The following RAB7A variants were observed in gnomAD, a reference collection of about 807,000 sequenced individuals.
The protein encoded by RAB7A is RAB7A, member RAS oncogene family, also known as ras-related protein Rab-7a.
In RAB7A, 2 loss-of-function variants were observed where a neutral mutation model predicts 24.5. The observed-to-expected ratio is 0.08, with a 90% CI of 0.03 to 0.26. RAB7A has a LOEUF of 0.26. Among genes scored for constraint, RAB7A ranks in the 10% least tolerant of loss-of-function variants. The probability of loss-of-function intolerance (pLI) is 1.00; values close to 1 mark genes in which losing one functional copy is unlikely to be tolerated. For synonymous variants in RAB7A, 100 were observed against 95.9 expected, an observed-to-expected ratio of 1.04 and a Z score of -0.25; for missense variants, 118 against 255.7, an observed-to-expected ratio of 0.46 and a Z score of 3.67.
chr3:128,752,710 T>C (rs2070697902), intron 1 of RAB7A, among the ~76,000 whole-genome samples: 1 of 151,002 alleles, frequency 6.6e-6, no homozygotes, highest in Non-Finnish European at 1.5e-5. Flanking sequence ...AGTGGTTTTC[T>C]CACTTTTGGT....
intron 1 of RAB7A, among the ~76,000 whole-genome samples, chr3:128,731,883 T>C (rs1260509631): frequency 6.6e-6 from 1 of 151,318 alleles, no homozygotes; most frequent in Non-Finnish European, 1.5e-5. Flanking sequence ...GCATGCACTG[T>C]AGTCCCAGCT....
chr3:128,727,987 A>G (rs1213318704), intron 1 of RAB7A, among the ~76,000 whole-genome samples: 1 of 152,080 alleles, frequency 6.6e-6, no homozygotes, highest in Non-Finnish European at 1.5e-5. Flanking sequence ...TACCTAGCCT[A>G]AAATATTTAA....
chr3:128,767,186 T>C (rs1396966158), intron 1 of RAB7A, among the ~76,000 whole-genome samples: 1 of 152,222 alleles, frequency 6.6e-6, no homozygotes, highest in Non-Finnish European at 1.5e-5. Context: ...AGTCAGGTGT[T>C]TGCAACTAGT....
intron 5 of RAB7A, among the ~76,000 whole-genome samples, chr3:128,808,794 A>T (rs1226641720): frequency 6.6e-6 from 1 of 152,184 alleles, no homozygotes; most frequent in African/African-American, 2.4e-5. Flanking sequence ...GGCAAGGCAG[A>T]TTCTGCTGAC....
At chr3:128,726,592 A>G (rs1015809725) in intron 1 of RAB7A, among the ~76,000 whole-genome samples, 11 of 151,978 alleles carry the variant, frequency 7.2e-5, no homozygotes, top group Non-Finnish European at 1.2e-4. Context: ...CGCCCCGGCC[A>G]CCCGTCTCGG....
chr3:128,730,296 C>T (rs2107580735), intron 1 of RAB7A, among the ~76,000 whole-genome samples: 1 of 151,580 alleles, frequency 6.6e-6, no homozygotes, highest in South Asian at 2.1e-4. Context: ...GTGGTGCCAT[C>T]TCAGCTCACT....
rs1394070914 is a variant in RAB7A, at chr3:128,782,355, T to TC, written c.-8-13004dup. Among the ~76,000 whole-genome samples the TC allele has an allele frequency of 9.9e-5, 15 of 152,236 alleles. No individual in the cohort carries two copies. In the Middle Eastern group the frequency reaches 0.02, roughly 207 times the overall value. On this transcript the variant is annotated intron_variant, in intron 1 of 5. Transcript: ENST00000265062. The stretch of plus-strand genomic sequence containing the variant: ...CTGCACATGCCAGAACCGTTCTCCC[T>TC]CATGGTCCATCCAGGCTGATGCCCG...
intron 5 of RAB7A, among the ~76,000 whole-genome samples, chr3:128,812,775 A>T (rs991801602): frequency 3.3e-5 from 5 of 152,240 alleles, no homozygotes; most frequent in Non-Finnish European, 5.9e-5. Flanking sequence ...CCTTTGGAAG[A>T]AAAAAGAGAC....
intron 1 of RAB7A, among the ~76,000 whole-genome samples, chr3:128,739,805 C>T (rs767759339): frequency 6.6e-6 from 1 of 152,220 alleles, no homozygotes; most frequent in Non-Finnish European, 1.5e-5. Flanking sequence ...CGCAGTGGTT[C>T]ACGCCTGTAA....
intron 1 of RAB7A, among the ~76,000 whole-genome samples, chr3:128,777,589 A>T (rs1933125856): frequency 6.6e-6 from 1 of 152,206 alleles, no homozygotes; most frequent in Non-Finnish European, 1.5e-5. Flanking sequence ...ATGAAACTAA[A>T]CTATCACTAG....
intron 5 of RAB7A, 110 bp from the exon 6 acceptor site, chr3:128,813,217 C>T (rs1413395093): frequency 1.8e-5 from 18 of 1,009,934 alleles, no homozygotes; most frequent in Non-Finnish European, 2.8e-5. Context: ...AGCTCCCCGC[C>T]CACTCTGCCC....
intron 1 of RAB7A, among the ~76,000 whole-genome samples, chr3:128,759,386 A>G (rs1300055202): frequency 6.6e-6 from 1 of 152,178 alleles, no homozygotes; most frequent in Non-Finnish European, 1.5e-5. Flanking sequence ...ATCTCGGATC[A>G]GTTTCTAGCC....
intron 1 of RAB7A, among the ~76,000 whole-genome samples, chr3:128,791,402 A>G (rs1933449771): frequency 6.6e-6 from 1 of 152,172 alleles, no homozygotes; most frequent in Admixed American, 6.5e-5. Context: ...TGGCCTCCCA[A>G]AGTGCTGGGA....
chr3:128,737,238 A>G (rs2070498442), intron 1 of RAB7A, among the ~76,000 whole-genome samples: 1 of 151,278 alleles, frequency 6.6e-6, no homozygotes. Context: ...ACGGGGTGTC[A>G]CTGTGTTAGC....
At chr3:128,735,389 A>T (rs2070481142) in intron 1 of RAB7A, among the ~76,000 whole-genome samples, 1 of 152,218 alleles carries the variant, frequency 6.6e-6, no homozygotes, top group Non-Finnish European at 1.5e-5. Context: ...TTGTTAGAGG[A>T]TTTAAGTTCA....
At chr3:128,776,840 C>T (rs1933101351) in intron 1 of RAB7A, among the ~76,000 whole-genome samples, 1 of 152,122 alleles carries the variant, frequency 6.6e-6, no homozygotes, top group Non-Finnish European at 1.5e-5. Flanking sequence ...CATTGCTCCA[C>T]ATCCTAACAC....
At chr3:128,788,170 C>G (rs534693260) in intron 1 of RAB7A, among the ~76,000 whole-genome samples, 73 of 152,320 alleles carry the variant, frequency 4.8e-4, no homozygotes, top group Non-Finnish European at 9.7e-4. Context: ...ATCAATGTTG[C>G]AATGCTTGTG....
chr3:128,763,496 C>T (rs914329445), intron 1 of RAB7A, among the ~76,000 whole-genome samples: 1 of 152,022 alleles, frequency 6.6e-6, no homozygotes, highest in Non-Finnish European at 1.5e-5. Flanking sequence ...GGATTACAGG[C>T]GTGAGCCACC....
At chr3:128,738,429 C>T (rs1048582381) in intron 1 of RAB7A, among the ~76,000 whole-genome samples, 3 of 152,162 alleles carry the variant, frequency 2.0e-5, no homozygotes, top group Admixed American at 6.5e-5. Context: ...ACACATATTC[C>T]TCTGAGTTGC....
Sources: allele counts gnomAD v4.1 joint callset (sites outside exome capture counted in the v4.1 genomes callset), GRCh38; gene constraint gnomAD v4.1.1; transcripts MANE v1.5; gene names NCBI Gene and HGNC (gene_info 2026-07-23, HGNC 2026-07-21).